The following CELF2 variants were observed in gnomAD, a reference collection of about 807,000 sequenced individuals.
CELF2 encodes CUG triplet repeat RNA-binding protein 2.
A neutral mutation model predicts 62.6 loss-of-function variants in CELF2; 8 were observed. The observed-to-expected ratio is 0.13, with a 90% confidence interval of 0.07 to 0.23. CELF2 has a LOEUF of 0.23. Among genes scored for constraint, CELF2 ranks in the 10% least tolerant of loss-of-function variants. The probability of loss-of-function intolerance (pLI) is 1.00; values close to 1 mark genes in which losing one functional copy is unlikely to be tolerated. For missense variants in CELF2, 333 were observed against 671.0 expected (o/e 0.50, Z 5.56); for synonymous variants, 258 against 250.0 (o/e 1.03, Z -0.30).
intron 1 of CELF2, among the ~76,000 whole-genome samples, chr10:11,161,935 C>G (rs1445798842): frequency 6.6e-6 from 1 of 152,204 alleles, no homozygotes; most frequent in Non-Finnish European, 1.5e-5. Flanking sequence ...TTAGAAGTGT[C>G]AGTGCTACAG....
At position 11,270,598 on chromosome 10, in the gene CELF2, C is replaced by A; in HGVS notation, c.619-68C>A. 1 of 1,317,628 alleles carries A rather than the reference C, an allele frequency of 7.6e-7. No individual in the cohort carries two copies. The highest frequency in any genetic ancestry group is 9.9e-7 in the Non-Finnish European group (1 of 1,008,108). The allele number at this position is 1,317,628 out of a possible 1,614,324, so 81.6% of individuals were successfully genotyped here. On this transcript the variant is annotated intron_variant, in intron 6 of 12. Transcript: ENST00000633077. This position sits in a 1 kb window ranked among gnomAD's most constrained non-coding sequence, Gnocchi z 5.8. Reference sequence around the variant, plus strand: ...CTAGTGCAGAAAGGTAGCTCCGGTGCTGAGTGTCGTGAGCGGATTCCGCCA... The same window carrying A: ...CTAGTGCAGAAAGGTAGCTCCGGTGATGAGTGTCGTGAGCGGATTCCGCCA...
the CELF2 span, among the ~76,000 whole-genome samples, chr10:10,486,678 G>A: frequency 6.6e-6 from 1 of 152,132 alleles, no homozygotes; most frequent in East Asian, 1.9e-4. Context: ...TCATGTCAGT[G>A]GTGATCAAAA....
chr10:10,919,980 T>A, exon 2 of CELF2: 1 of 1,231,612 alleles, frequency 8.1e-7, no homozygotes, highest in African/African-American at 1.5e-5. Flanking sequence ...GGCCACAGAG[T>A]TAGCTGGGAG....
chr10:11,110,138 G>A lies in CELF2; in HGVS notation c.75-55348G>A, dbSNP rs1022529722. ...TAGTTGGGCATGGTGGCATGCTCCT[G>A]TAGTCCCAGCTACTTGGGGAGGGGA... On this transcript the variant is annotated intron_variant, in intron 1 of 12. Coordinates refer to ENST00000633077, the MANE Select transcript of CELF2 (RefSeq NM_001326342.2). This position sits in a 1 kb window ranked among gnomAD's most constrained non-coding sequence, Gnocchi z 4.0. Among the ~76,000 whole-genome samples the A allele has an allele frequency of 6.6e-6, 1 of 152,138 alleles. No homozygotes were observed. The highest frequency in any genetic ancestry group is 1.5e-5 in the Non-Finnish European group (1 of 68,022).
At chr10:10,848,638 C>G (rs1308723738) in intron 1 of CELF2, among the ~76,000 whole-genome samples, 3 of 152,160 alleles carry the variant, frequency 2.0e-5, no homozygotes, top group Non-Finnish European at 4.4e-5. Flanking sequence ...CTGATATCTT[C>G]CCTTTCAGCA....
intron 1 of CELF2, among the ~76,000 whole-genome samples, chr10:11,129,205 G>A (rs2059221596): frequency 6.6e-6 from 1 of 152,214 alleles, no homozygotes; most frequent in Non-Finnish European, 1.5e-5. Context: ...TGTTGAACCA[G>A]CCTTGCATCC....
chr10:10,597,175 T>C, the CELF2 span, among the ~76,000 whole-genome samples: 1 of 152,228 alleles, frequency 6.6e-6, no homozygotes, highest in South Asian at 2.1e-4. Flanking sequence ...GAAAGAGATT[T>C]GTCTCCAGAT....
the CELF2 span, among the ~76,000 whole-genome samples, chr10:10,631,722 T>C: frequency 6.6e-6 from 1 of 151,524 alleles, no homozygotes; most frequent in Non-Finnish European, 1.5e-5. Flanking sequence ...CTTGTCTGAG[T>C]TCTTAGCAGG....
chr10:11,281,984 T>C (rs2089006743), intron 8 of CELF2, among the ~76,000 whole-genome samples: 2 of 152,038 alleles, frequency 1.3e-5, no homozygotes, highest in South Asian at 4.1e-4. Flanking sequence ...TAGACTGGAA[T>C]CCGCCCCAGC....
intron 4 of CELF2, among the ~76,000 whole-genome samples, chr10:11,254,130 A>G (rs1431709920): frequency 6.6e-6 from 1 of 152,262 alleles, no homozygotes; most frequent in Non-Finnish European, 1.5e-5. Flanking sequence ...TTCTTGTAGA[A>G]TGTTTACAAA....
the CELF2 span, among the ~76,000 whole-genome samples, chr10:10,522,557 G>T: frequency 6.6e-6 from 1 of 152,134 alleles, no homozygotes; most frequent in African/African-American, 2.4e-5. Flanking sequence ...AGAAGGTGGT[G>T]GTGGTTGTTG....
In CELF2 at chr10:11,335,233, C is replaced by T. The variant is rs1342182786; in HGVS notation, c.*6180C>T. The T allele has an allele frequency of 6.6e-6, 1 of 152,438 alleles. No individual in the cohort carries two copies. The highest frequency in any genetic ancestry group is 2.4e-5 in the African/African-American group (1 of 41,458). 9.4% of individuals were successfully genotyped at this position (152,438 alleles called of 1,614,324 possible). On this transcript the variant is annotated 3_prime_UTR_variant, in exon 13 of 13. Transcript: ENST00000633077. This position sits in a 1 kb window ranked among gnomAD's most constrained non-coding sequence, Gnocchi z 5.0. ...CTTCTCTGCCCTCAAAGACTGAAGCCGCAGGCCCTGTTCTGCCTCTGCTCA... is the reference window on the plus strand; with the variant it reads ...CTTCTCTGCCCTCAAAGACTGAAGCTGCAGGCCCTGTTCTGCCTCTGCTCA...
chr10:11,118,812 A>G (rs1457789186), intron 1 of CELF2, among the ~76,000 whole-genome samples: 1 of 152,214 alleles, frequency 6.6e-6, no homozygotes, highest in Non-Finnish European at 1.5e-5. Context: ...CTTGTCCTTG[A>G]ATCATTTGAG....
intron 1 of CELF2, among the ~76,000 whole-genome samples, chr10:11,054,859 C>T (rs367849288): frequency 7.5e-4 from 114 of 152,172 alleles, no homozygotes; most frequent in African/African-American, 2.6e-3. Flanking sequence ...GGATTACAGG[C>T]GGCCGCCACC....
At chr10:11,061,107 C>A (rs2066626538) in intron 1 of CELF2, among the ~76,000 whole-genome samples, 1 of 152,218 alleles carries the variant, frequency 6.6e-6, no homozygotes, top group South Asian at 2.1e-4. Flanking sequence ...ACGCTGAAAG[C>A]TGGGTCTGTT....
Position 11,223,535 on chromosome 10 carries a change from T to C in CELF2, c.354+6028T>C, listed in dbSNP as rs2065526756. On this transcript the variant is annotated intron_variant, in intron 3 of 12. Coordinates refer to ENST00000633077, the MANE Select transcript of CELF2 (RefSeq NM_001326342.2). The surrounding 1 kb of genome is among the most constrained non-coding windows in gnomAD (Gnocchi z 5.1). Reference sequence around the variant, plus strand: ...TGCCATCTGTGTTTTCAGATAATACTCAAATCTCATACAAATAAAAGCCAA... The same window carrying C: ...TGCCATCTGTGTTTTCAGATAATACCCAAATCTCATACAAATAAAAGCCAA... 6.6e-6 allele frequency among the ~76,000 whole-genome samples: 1 copy of C among 152,198 alleles called. No homozygotes were observed. The highest frequency in any genetic ancestry group is 6.5e-5 in the Admixed American group (1 of 15,286).
At chr10:10,892,562 A>G (rs1315799686) in intron 1 of CELF2, among the ~76,000 whole-genome samples, 1 of 152,248 alleles carries the variant, frequency 6.6e-6, no homozygotes, top group Non-Finnish European at 1.5e-5. Flanking sequence ...ATCTCCGTTT[A>G]TCAAAATGTC....
At chr10:11,023,675 T>G (rs1466900428) in intron 1 of CELF2, among the ~76,000 whole-genome samples, 1 of 152,206 alleles carries the variant, frequency 6.6e-6, no homozygotes, top group African/African-American at 2.4e-5. Flanking sequence ...ACTCTCCCCA[T>G]TTGTTCTAAA....
the CELF2 span, among the ~76,000 whole-genome samples, chr10:10,595,446 G>T: frequency 3.9e-5 from 6 of 152,154 alleles, no homozygotes; most frequent in Admixed American, 1.3e-4. Flanking sequence ...CTGAAAGTGA[G>T]GTGGGAGGCA....
Sources: gnomAD v4.1 joint callset for allele counts (sites outside exome capture counted in the v4.1 genomes callset) on GRCh38, gnomAD v4.1.1 for gene constraint, Gnocchi (gnomAD v3.1) non-coding constraint, MANE v1.5 for transcripts, NCBI Gene and HGNC (gene_info 2026-07-23, HGNC 2026-07-21) for gene names.